The following LEPR variants were observed in gnomAD, a reference collection of about 807,000 sequenced individuals.
LEPR encodes OB receptor.
LEPR carries 56 observed loss-of-function variants against 114.7 expected under a neutral mutation model. The ratio of observed to expected loss-of-function variants is 0.49; its 90% CI spans 0.39 to 0.61. The LOEUF (loss-of-function observed/expected upper bound fraction) is 0.61. Ranked by LOEUF, LEPR falls within the 20% of genes least tolerant of loss-of-function variation. The pLI is 0.00. For missense variants in LEPR, 1,202 were observed against 1,352.9 expected (o/e 0.89, Z 1.75); for synonymous variants, 443 against 461.4 (o/e 0.96, Z 0.51).
chr1:65,520,087 T>C (rs1383487970), intron 2 of LEPR, among the ~76,000 whole-genome samples: 1 of 152,146 alleles, frequency 6.6e-6, no homozygotes, highest in Non-Finnish European at 1.5e-5. Flanking sequence ...ATGGTCTCGA[T>C]CTCCTGACCT....
intron 2 of LEPR, among the ~76,000 whole-genome samples, chr1:65,495,769 A>G (rs963101314): frequency 3.3e-5 from 5 of 152,162 alleles, no homozygotes; most frequent in African/African-American, 1.2e-4. Flanking sequence ...ATGAGCTTGG[A>G]GGATATATGT....
At chr1:65,617,885 GGTTAT>G in intron 15 of LEPR, 74 bp from the exon 16 acceptor site, 1 of 1,376,502 alleles carries the variant, frequency 7.3e-7, no homozygotes, top group Non-Finnish European at 9.8e-7. Context: ...CCCTTTAGTA[GGTTAT>G]AAGTTCCTCA....
At chr1:65,521,662 T>C (rs1407621296) in intron 2 of LEPR, among the ~76,000 whole-genome samples, 1 of 152,226 alleles carries the variant, frequency 6.6e-6, no homozygotes, top group African/African-American at 2.4e-5. Flanking sequence ...TAGTTCCATA[T>C]CATTGGCTCA....
intron 10 of LEPR, among the ~76,000 whole-genome samples, chr1:65,603,246 C>T (rs535431506): frequency 9.5e-4 from 144 of 152,102 alleles, no homozygotes; most frequent in African/African-American, 3.4e-3. Flanking sequence ...GCCAACTTTT[C>T]GATTTCAAGT....
At chr1:65,522,701 A>T (rs927301325) in intron 2 of LEPR, among the ~76,000 whole-genome samples, 1 of 152,216 alleles carries the variant, frequency 6.6e-6, no homozygotes, top group Non-Finnish European at 1.5e-5. Flanking sequence ...GATTTAAGTA[A>T]CTATAATTTC....
chr1:65,545,844 G>T (rs1170912178), intron 2 of LEPR, among the ~76,000 whole-genome samples: 1 of 151,714 alleles, frequency 6.6e-6, no homozygotes, highest in Non-Finnish European at 1.5e-5. Flanking sequence ...GGCTTTTGTT[G>T]CCATTGCTTT....
chr1:65,635,930 G>A (rs534478637), intron 19 of LEPR, among the ~76,000 whole-genome samples: 3 of 152,188 alleles, frequency 2.0e-5, no homozygotes, highest in Non-Finnish European at 4.4e-5. Context: ...GAAAGGCAGA[G>A]AGGTTAGTGT....
chr1:65,578,348 A>G (rs1557675041), intron 5 of LEPR: 3 of 219,788 alleles, frequency 1.4e-5, no homozygotes, highest in African/African-American at 4.6e-5. Flanking sequence ...AAATGTACCC[A>G]TAACAGAAAT....
At chr1:65,566,201 C>CTTTT (rs35617332) in intron 3 of LEPR, among the ~76,000 whole-genome samples, 30 of 113,542 alleles carry the variant, frequency 2.6e-4, no homozygotes, top group African/African-American at 4.0e-4. Flanking sequence ...TAGATTAATT[C>CTTTT]TTTTTTTTTT....
At chr1:65,447,118 T>C (rs928097021) in intron 2 of LEPR, among the ~76,000 whole-genome samples, 14 of 149,846 alleles carry the variant, frequency 9.3e-5, no homozygotes, top group Admixed American at 8.7e-4. Context: ...ATTTATCATC[T>C]TTTTTTTTTC....
chr1:65,541,895 G>A (rs2100665428), intron 2 of LEPR, among the ~76,000 whole-genome samples: 1 of 152,250 alleles, frequency 6.6e-6, no homozygotes, highest in Admixed American at 6.5e-5. Flanking sequence ...GATCAATGGA[G>A]CAAGTTGTAA....
At chr1:65,569,564 G>A (rs6671495) in intron 3 of LEPR, among the ~76,000 whole-genome samples, 34,192 of 151,646 alleles carry the variant, frequency 0.23, 4,167 homozygotes, top group South Asian at 0.29. Flanking sequence ...AAAATTAACC[G>A]GGTGTGGTGG....
At chr1:65,555,069 G>A (rs1407909371) in intron 2 of LEPR, among the ~76,000 whole-genome samples, 3 of 152,122 alleles carry the variant, frequency 2.0e-5, no homozygotes, top group African/African-American at 7.2e-5. Flanking sequence ...GGAATGAGAT[G>A]AGCCGGGTAC....
intron 2 of LEPR, among the ~76,000 whole-genome samples, chr1:65,467,235 G>T (rs1378271853): frequency 3.3e-5 from 5 of 152,072 alleles, no homozygotes; most frequent in African/African-American, 9.7e-5. Context: ...CCTTTTTGTT[G>T]ATGTTGATGC....
At position 65,638,188 on chromosome 1, in the gene LEPR, A is replaced by T. The variant is rs1460409779; in HGVS notation, c.*1173A>T. The T allele has an allele frequency of 6.6e-6, 1 of 152,194 alleles. No individual in the cohort carries two copies. The highest frequency in any genetic ancestry group is 1.5e-5 in the Non-Finnish European group (1 of 68,036). 9.4% of individuals were successfully genotyped at this position (152,194 alleles called of 1,614,324 possible). A position where few individuals can be genotyped will look rare whatever the true frequency, so the allele number is the denominator to read the frequency against. ...AACATAGTGAGGCCTCGTCTCTACAAAAAACACAAAAATTAGCTGAGTGTG... is the reference window on the plus strand; with the variant it reads ...AACATAGTGAGGCCTCGTCTCTACATAAAACACAAAAATTAGCTGAGTGTG... On this transcript the variant is annotated 3_prime_UTR_variant, in exon 20 of 20. Transcript: ENST00000349533.
At chr1:65,444,879 A>C (rs1409742585) in intron 2 of LEPR, among the ~76,000 whole-genome samples, 3 of 152,232 alleles carry the variant, frequency 2.0e-5, no homozygotes, top group Non-Finnish European at 4.4e-5. Context: ...ACAATGAAAA[A>C]GCAGCAGCAT....
At chr1:65,550,770 T>G (rs566499644) in intron 2 of LEPR, among the ~76,000 whole-genome samples, 2 of 152,292 alleles carry the variant, frequency 1.3e-5, no homozygotes, top group South Asian at 4.1e-4. Context: ...TTGCGCTTCC[T>G]GAGTGAGGCA....
intron 2 of LEPR, among the ~76,000 whole-genome samples, chr1:65,543,496 G>A (rs1448729554): frequency 6.6e-6 from 1 of 151,892 alleles, no homozygotes; most frequent in Non-Finnish European, 1.5e-5. Flanking sequence ...GTCAATTTTG[G>A]CTTTTGTTGC....
intron 16 of LEPR, among the ~76,000 whole-genome samples, 166 bp downstream of exon 16, chr1:65,618,312 C>CCTCTTCTCTTCTCTTCTCTTCTCTT (rs58102309): frequency 3.3e-4 from 49 of 150,270 alleles, no homozygotes; most frequent in African/African-American, 1.1e-3. Context: ...TAATTCTCTT[C>CCTCTTCTCTTCTCTTCTCTTCTCTT]CTCTTCTCTT....
Sources: gnomAD v4.1 joint callset for allele counts (sites outside exome capture counted in the v4.1 genomes callset) on GRCh38, gnomAD v4.1.1 for gene constraint, MANE v1.5 for transcripts, NCBI Gene and HGNC (gene_info 2026-07-23, HGNC 2026-07-21) for gene names.